PPP2R2B: variants seen among roughly 807,000 people sequenced by gnomAD.
PPP2R2B encodes serine/threonine-protein phosphatase 2A 55 kDa regulatory subunit B beta isoform.
A neutral mutation model predicts 46.0 loss-of-function variants in PPP2R2B; 5 were observed. That is an observed-to-expected ratio of 0.11 (90% CI 0.06 to 0.23). The LOEUF (loss-of-function observed/expected upper bound fraction) is 0.23. Among genes scored for constraint, PPP2R2B ranks in the 10% least tolerant of loss-of-function variants. PPP2R2B has a pLI of 1.00. For missense variants in PPP2R2B, 367 were observed against 575.0 expected, an observed-to-expected ratio of 0.64 and a Z score of 3.70; for synonymous variants, 215 against 206.7, an observed-to-expected ratio of 1.04 and a Z score of -0.34.
chr5:146,941,455 G>A (rs1244239163), intron 1 of PPP2R2B, among the ~76,000 whole-genome samples: 7 of 152,126 alleles, frequency 4.6e-5, no homozygotes, highest in East Asian at 1.9e-4. Context: ...TAATACTTGT[G>A]ATGGTTCAGA....
At chr5:146,689,699 A>C (rs1394140263) in intron 5 of PPP2R2B, among the ~76,000 whole-genome samples, 1 of 152,194 alleles carries the variant, frequency 6.6e-6, no homozygotes, top group Non-Finnish European at 1.5e-5. Flanking sequence ...CTGACTCAAC[A>C]ATAATACTCT....
chr5:146,853,954 A>G (rs1308375259), intron 2 of PPP2R2B, among the ~76,000 whole-genome samples: 1 of 151,882 alleles, frequency 6.6e-6, no homozygotes. Flanking sequence ...TACTTCCTCC[A>G]TCAGAGAACC....
intron 1 of PPP2R2B, among the ~76,000 whole-genome samples, chr5:146,983,358 T>G (rs1753269780): frequency 1.3e-5 from 2 of 152,072 alleles, no homozygotes; most frequent in East Asian, 3.9e-4. Context: ...TTTTTTGTAT[T>G]TTTAGTAGAG....
intron 5 of PPP2R2B, among the ~76,000 whole-genome samples, chr5:146,666,112 T>C (rs1776967711): frequency 6.6e-6 from 1 of 152,220 alleles, no homozygotes; most frequent in Non-Finnish European, 1.5e-5. Flanking sequence ...AGAAATGATT[T>C]AATGTCATAG....
At chr5:146,986,515 A>C (rs1194604371) in intron 1 of PPP2R2B, among the ~76,000 whole-genome samples, 1 of 152,206 alleles carries the variant, frequency 6.6e-6, no homozygotes, top group African/African-American at 2.4e-5. Flanking sequence ...AATTTCAGTA[A>C]AACACAGAGA....
Position 146,586,864 on chromosome 5 carries a change from T to G in PPP2R2B, c.*3083A>C, listed in dbSNP as rs756953540. On this transcript the variant is annotated 3_prime_UTR_variant, in exon 10 of 10. Coordinates refer to ENST00000394411, the MANE Select transcript of PPP2R2B (RefSeq NM_181675.4). ...CCTTTTTTGTTTTTTCTAACTAATC[T>G]TCCTCCTCCTGACAGAAGAGTACGA... is the stretch of plus-strand genomic sequence containing the variant. The G allele has an allele frequency of 6.6e-6, 1 of 152,238 alleles. No individual in the cohort carries two copies. Among genetic ancestry groups the G allele is most frequent in the Non-Finnish European group, 1.5e-5 (1 of 68,056 alleles). The allele number at this position is 152,238 out of a possible 1,614,324, so 9.4% of individuals were successfully genotyped here.
chr5:146,957,384 A>C (rs1354007021), intron 1 of PPP2R2B, among the ~76,000 whole-genome samples: 1 of 152,176 alleles, frequency 6.6e-6, no homozygotes, highest in Non-Finnish European at 1.5e-5. Flanking sequence ...GCCATCCGAT[A>C]TGATAAATTG....
At chr5:147,052,976 T>C (rs1756903450) in intron 1 of PPP2R2B, among the ~76,000 whole-genome samples, 1 of 152,062 alleles carries the variant, frequency 6.6e-6, no homozygotes, top group African/African-American at 2.4e-5. Context: ...TTACTATATA[T>C]AATGTGCTTA....
chr5:146,708,148 G>A lies in PPP2R2B; in HGVS notation c.71-7006C>T, dbSNP rs925631463. On this transcript the variant is annotated intron_variant, in intron 2 of 9. Coordinates refer to ENST00000394411, the MANE Select transcript of PPP2R2B (RefSeq NM_181675.4). ...AGGCAGGTGGATCCCTTGAGCTCAG[G>A]AGTTCGAGACCAGGCTGGGCAGCAT... is the stretch of plus-strand genomic sequence containing the variant. 3.3e-5 allele frequency among the ~76,000 whole-genome samples: 5 copies of A among 152,030 alleles called. 1 individual carries two copies. In the East Asian group the frequency reaches 9.7e-4, roughly 29 times the overall value.
At chr5:146,850,458 G>A (rs1187418062) in intron 2 of PPP2R2B, among the ~76,000 whole-genome samples, 1 of 152,098 alleles carries the variant, frequency 6.6e-6, no homozygotes. Context: ...TGCAAGATGT[G>A]GCTTCTGTCT....
chr5:146,805,247 A>T (rs1305240069), intron 2 of PPP2R2B, among the ~76,000 whole-genome samples: 1 of 152,180 alleles, frequency 6.6e-6, no homozygotes, highest in Non-Finnish European at 1.5e-5. Flanking sequence ...GCATGAAGTC[A>T]TCTGCAAACC....
In PPP2R2B at chr5:146,638,159, G is replaced by C. The variant is rs73310563; in HGVS notation, c.790+92C>G. The C allele has an allele frequency of 1.3e-3, 1,790 of 1,327,738 alleles. 26 individuals carry two copies. The African/African-American group carries it at 0.024, about 18-fold the overall frequency. 82.2% of individuals were successfully genotyped at this position (1,327,738 alleles called of 1,614,324 possible). Reference sequence around the variant, plus strand: ...AGTTTCTTTACTCCTAGTGTGTCTGGTGTAGAAAGGGAGATCATAAGCTTC... The same window carrying C: ...AGTTTCTTTACTCCTAGTGTGTCTGCTGTAGAAAGGGAGATCATAAGCTTC... On this transcript the variant is annotated intron_variant, in intron 7 of 9. Coordinates refer to ENST00000394411, the MANE Select transcript of PPP2R2B (RefSeq NM_181675.4).
chr5:146,718,194 G>A (rs7731270), intron 2 of PPP2R2B, among the ~76,000 whole-genome samples: 7 of 151,840 alleles, frequency 4.6e-5, no homozygotes, highest in African/African-American at 1.7e-4. Context: ...CATTGTTCAA[G>A]GAAAGTATGG....
At chr5:147,016,010 T>C (rs907268546) in intron 1 of PPP2R2B, among the ~76,000 whole-genome samples, 2 of 151,454 alleles carry the variant, frequency 1.3e-5, no homozygotes, top group African/African-American at 2.4e-5. Flanking sequence ...TCAGTAAATA[T>C]GTGTTAAGAG....
chr5:146,682,210 G>A (rs1778220516), intron 5 of PPP2R2B, among the ~76,000 whole-genome samples: 1 of 152,180 alleles, frequency 6.6e-6, no homozygotes, highest in African/African-American at 2.4e-5. Flanking sequence ...CACTCTGAAT[G>A]CAAGGCAGCG....
intron 1 of PPP2R2B, among the ~76,000 whole-genome samples, chr5:146,937,292 C>T (rs545203237): frequency 3.3e-5 from 5 of 150,356 alleles, no homozygotes; most frequent in Middle Eastern, 3.4e-3. Flanking sequence ...CAGAGTGAGA[C>T]TCCGTCTCAG....
Position 146,650,396 on chromosome 5 carries a change from A to T in PPP2R2B, c.625+151T>A. ...TCCCTAACTTTATTGTTATGATTAA[A>T]GAGTCTCATAGGTGCCAGTGTATTT... On this transcript the variant is annotated intron_variant, in intron 6 of 9. Transcript: ENST00000394411. 3.1e-6 allele frequency: 2 copies of T among 645,886 alleles called. 1 individual carries two copies. The highest frequency in any genetic ancestry group is 5.1e-6 in the Non-Finnish European group (2 of 389,486). The allele number at this position is 645,886 out of a possible 1,614,324, so 40.0% of individuals were successfully genotyped here. A position where few individuals can be genotyped will look rare whatever the true frequency, so the allele number is the denominator to read the frequency against.
chr5:146,732,424 G>A (rs972740465), intron 2 of PPP2R2B, among the ~76,000 whole-genome samples: 4 of 152,102 alleles, frequency 2.6e-5, no homozygotes, highest in Non-Finnish European at 5.9e-5. Context: ...ACCAATGGGA[G>A]GATGGACAAA....
chr5:146,882,599 A>T (rs1561985399), upstream of PPP2R2B, among the ~76,000 whole-genome samples: 1 of 152,222 alleles, frequency 6.6e-6, no homozygotes, highest in Non-Finnish European at 1.5e-5. Flanking sequence ...CGTGGAAAAA[A>T]TACATTGCTA....
Sources: allele counts gnomAD v4.1 joint callset (sites outside exome capture counted in the v4.1 genomes callset), GRCh38; gene constraint gnomAD v4.1.1; transcripts MANE v1.5; gene names NCBI Gene and HGNC (gene_info 2026-07-23, HGNC 2026-07-21).